Variants in KCNN2 observed in about 807,000 individuals in gnomAD.
The protein encoded by KCNN2 is small conductance calcium-activated potassium channel protein 2.
KCNN2 carries 24 observed loss-of-function variants against 55.5 expected under a neutral mutation model. The ratio of observed to expected loss-of-function variants is 0.43; its 90% CI spans 0.31 to 0.61. The LOEUF (loss-of-function observed/expected upper bound fraction) is 0.61. Among genes scored for constraint, KCNN2 ranks in the 20% least tolerant of loss-of-function variants. The probability of loss-of-function intolerance (pLI) is 0.08; values close to 1 mark genes in which losing one functional copy is unlikely to be tolerated. For missense variants in KCNN2, 754 were observed against 853.6 expected (o/e 0.88, Z 1.45); for synonymous variants, 431 against 336.1 (o/e 1.28, Z -3.09).
At chr5:114,194,357 C>A (rs1753508780) in intron 1 of KCNN2, among the ~76,000 whole-genome samples, 1 of 151,970 alleles carries the variant, frequency 6.6e-6, no homozygotes, top group Non-Finnish European at 1.5e-5. Flanking sequence ...TTTTGCCTAC[C>A]CTTAATGTTG....
At chr5:114,096,889 A>G (rs922577441) in intron 1 of KCNN2, among the ~76,000 whole-genome samples, 1 of 152,024 alleles carries the variant, frequency 6.6e-6, no homozygotes, top group African/African-American at 2.4e-5. Flanking sequence ...AACTAAACCT[A>G]CCATATCCCA....
chr5:114,293,576 C>T (rs1004016213), intron 2 of KCNN2, among the ~76,000 whole-genome samples: 6 of 152,166 alleles, frequency 3.9e-5, no homozygotes, highest in Non-Finnish European at 8.8e-5. Flanking sequence ...TTTTGATGTG[C>T]TGCTGGATTC....
rs75314122 is a variant in KCNN2, at chr5:114,204,087, C to T, written c.-270-17393C>T. The stretch of plus-strand genomic sequence containing the variant: ...AGAAGTACAGACTTCAGGAAGTTCA[C>T]CTTTAACTTTAGCATTCTAGATGAA... On this transcript the variant is annotated intron_variant, in intron 1 of 10. Transcript: ENST00000512097. Among the ~76,000 whole-genome samples, 438 of 152,160 alleles carry T rather than the reference C, an allele frequency of 2.9e-3. 2 individuals are homozygous for T. The highest frequency in any genetic ancestry group is 0.01 in the African/African-American group (420 of 41,480).
intron 3 of KCNN2, among the ~76,000 whole-genome samples, chr5:114,425,519 C>T (rs1198677346): frequency 6.6e-6 from 1 of 152,046 alleles, no homozygotes; most frequent in Non-Finnish European, 1.5e-5. Context: ...AACCTTGCAC[C>T]CTCTCCCTTC....
chr5:114,119,072 G>T (rs368527193), intron 1 of KCNN2, among the ~76,000 whole-genome samples: 114 of 152,322 alleles, frequency 7.5e-4, no homozygotes, highest in African/African-American at 2.7e-3. Context: ...TAAACATGCA[G>T]TATATTAAGT....
chr5:114,079,853 G>C (rs1434247152), intron 1 of KCNN2, among the ~76,000 whole-genome samples: 3 of 148,742 alleles, frequency 2.0e-5, no homozygotes, highest in African/African-American at 7.5e-5. Context: ...GTGAGAGAGA[G>C]AGAGAGAGAG....
chr5:114,058,702 A>G (rs913277711), intron 1 of KCNN2, among the ~76,000 whole-genome samples: 2 of 152,206 alleles, frequency 1.3e-5, no homozygotes, highest in African/African-American at 4.8e-5. Context: ...AGCAGATTAG[A>G]GAGGTGGACT....
intron 2 of KCNN2, among the ~76,000 whole-genome samples, chr5:114,379,993 T>G (rs919064838): frequency 1.3e-5 from 2 of 151,276 alleles, no homozygotes; most frequent in Non-Finnish European, 2.9e-5. Flanking sequence ...ACATGTCATT[T>G]ACATAATTTA....
At chr5:114,359,044 T>G (rs1757355137), upstream of KCNN2, among the ~76,000 whole-genome samples, 1 of 152,234 alleles carries the variant, frequency 6.6e-6, no homozygotes, top group Admixed American at 6.5e-5. Context: ...TTTACCACAC[T>G]CTCAATATAC....
At chr5:114,278,939 G>T (rs552904659) in intron 2 of KCNN2, among the ~76,000 whole-genome samples, 1 of 152,090 alleles carries the variant, frequency 6.6e-6, no homozygotes, top group Admixed American at 6.6e-5. Flanking sequence ...AGAAATCACC[G>T]ATCTTCTGCA....
At chr5:114,060,100 G>GCAT (rs1750294964) in intron 1 of KCNN2, among the ~76,000 whole-genome samples, 1 of 152,308 alleles carries the variant, frequency 6.6e-6, no homozygotes, top group Admixed American at 6.5e-5. Flanking sequence ...TTAGAAAATG[G>GCAT]TTGCTAAGGC....
At chr5:114,111,494 A>G (rs1230389918) in intron 1 of KCNN2, among the ~76,000 whole-genome samples, 3 of 152,192 alleles carry the variant, frequency 2.0e-5, no homozygotes, top group Admixed American at 6.5e-5. Context: ...ATCTAATTAA[A>G]CTAAAGAGCT....
At chr5:114,199,621 T>A (rs1461437046) in intron 1 of KCNN2, among the ~76,000 whole-genome samples, 3 of 151,820 alleles carry the variant, frequency 2.0e-5, no homozygotes, top group East Asian at 1.9e-4. Flanking sequence ...TATTTTTTTT[T>A]ATGTGGCTTT....
At chr5:114,495,806 A>T in intron 7 of KCNN2, 89 bp from the exon 8 acceptor site, 1 of 1,276,758 alleles carries the variant, frequency 7.8e-7, no homozygotes, top group South Asian at 1.4e-5. Context: ...GAATGCCACC[A>T]GCAAGAGACC....
chr5:114,144,352 AG>A (rs1244318308), intron 1 of KCNN2, among the ~76,000 whole-genome samples: 15 of 152,144 alleles, frequency 9.9e-5, no homozygotes, highest in African/African-American at 3.6e-4. Context: ...TCCACATCCA[AG>A]TAGAATTTTT....
At chr5:114,384,908 G>A (rs1758229938) in intron 2 of KCNN2, among the ~76,000 whole-genome samples, 1 of 152,076 alleles carries the variant, frequency 6.6e-6, no homozygotes, top group Admixed American at 6.6e-5. Context: ...TAAATTATGA[G>A]TCCTTAAGTA....
At chr5:114,169,217 C>T (rs185066764) in intron 1 of KCNN2, among the ~76,000 whole-genome samples, 8 of 152,140 alleles carry the variant, frequency 5.3e-5, no homozygotes, top group Non-Finnish European at 8.8e-5. Flanking sequence ...TTAGATAGTT[C>T]TTTAGAGTAG....
At chr5:114,354,396 T>C (rs1757263011) in intron 2 of KCNN2, among the ~76,000 whole-genome samples, 1 of 152,104 alleles carries the variant, frequency 6.6e-6, no homozygotes, top group Non-Finnish European at 1.5e-5. Context: ...GAAAATTGTT[T>C]GGAAAGTTGG....
intron 1 of KCNN2, among the ~76,000 whole-genome samples, chr5:114,077,311 TA>T (rs1234995150): frequency 6.6e-6 from 1 of 152,216 alleles, no homozygotes; most frequent in Non-Finnish European, 1.5e-5. Flanking sequence ...GGGAGCACAC[TA>T]GGGGGAACCC....
Sources: allele counts gnomAD v4.1 joint callset (sites outside exome capture counted in the v4.1 genomes callset), GRCh38; gene constraint gnomAD v4.1.1; transcripts MANE v1.5; gene names NCBI Gene and HGNC (gene_info 2026-07-23, HGNC 2026-07-21).